C8orf34: variants seen among roughly 807,000 people sequenced by gnomAD.
C8orf34 encodes chromosome 8 open reading frame 34.
C8orf34 carries 65 observed loss-of-function variants against 68.3 expected under a neutral mutation model. The ratio of observed to expected loss-of-function variants is 0.95; its 90% CI spans 0.78 to 1.17. The LOEUF is 1.17. Among genes scored for constraint, C8orf34 ranks in the 50% most tolerant of loss-of-function variants. C8orf34 has a pLI of 0.00. For synonymous variants in C8orf34, 244 were observed against 241.2 expected (o/e 1.01, Z -0.11); for missense variants, 664 against 655.4 (o/e 1.01, Z -0.14).
chr8:68,743,335 G>A (rs1822359966), intron 10 of C8orf34, among the ~76,000 whole-genome samples: 1 of 152,134 alleles, frequency 6.6e-6, no homozygotes, highest in Admixed American at 6.5e-5. Context: ...GCATAATTTA[G>A]GTATTATAAG....
Position 68,589,762 on chromosome 8 carries a change from G to A in C8orf34, c.1106-50614G>A, listed in dbSNP as rs532047350. 2.8e-5 allele frequency among the ~76,000 whole-genome samples: 4 copies of A among 145,126 alleles called. No individual in the cohort carries two copies. The South Asian group carries it at 6.7e-4, about 24-fold the overall frequency. ...AGGGAGAGAAGAGGAAAGGAAGGAAGGAGAGAGAGAAATAAGGAAGGTGGA... is the reference window on the plus strand; with the variant it reads ...AGGGAGAGAAGAGGAAAGGAAGGAAAGAGAGAGAGAAATAAGGAAGGTGGA... On this transcript the variant is annotated intron_variant, in intron 7 of 13. Transcript: ENST00000518698.
intron 2 of C8orf34, 130 bp downstream of exon 2, chr8:68,439,776 T>C: frequency 1.3e-6 from 1 of 774,638 alleles, no homozygotes; most frequent in South Asian, 2.5e-5. Context: ...ATCTCTGACC[T>C]TACCTAGATG....
chr8:68,781,387 C>G (rs1309055824), intron 11 of C8orf34, among the ~76,000 whole-genome samples: 1 of 152,120 alleles, frequency 6.6e-6, no homozygotes, highest in African/African-American at 2.4e-5. Context: ...CACTCCTAGT[C>G]CCTGTACATT....
intron 7 of C8orf34, among the ~76,000 whole-genome samples, chr8:68,603,554 T>C (rs750817070): frequency 0.25 from 37,777 of 149,620 alleles, 6,654 homozygotes; most frequent in African/African-American, 0.5. Flanking sequence ...TCTATCTATC[T>C]ATCTATCTAT....
rs369199283 is a variant in C8orf34 at position 68,336,014 on chromosome 8, G to T, written c.327+4675G>T. 2.6e-5 allele frequency among the ~76,000 whole-genome samples: 4 copies of T among 152,122 alleles called. No homozygotes were observed. The East Asian group carries it at 7.7e-4, about 29-fold the overall frequency. ...AGGCAGGAGAATTGCTTGAACCCAG[G>T]AAGTGGAGGTTGCAGTGAGCCAAGA... On this transcript the variant is annotated intron_variant, in intron 1 of 13. Transcript: ENST00000518698.
Position 68,768,114 on chromosome 8 carries a change from A to G in C8orf34, c.1405-8285A>G, listed in dbSNP as rs553479465. On this transcript the variant is annotated intron_variant, in intron 10 of 13. Coordinates refer to ENST00000518698, the MANE Select transcript of C8orf34 (RefSeq NM_052958.4). ...CTTTTGTTAAACGTATTTGATACATAGCAACACATGACAATTATGATCATT... is the reference window on the plus strand; with the variant it reads ...CTTTTGTTAAACGTATTTGATACATGGCAACACATGACAATTATGATCATT... 2.0e-5 allele frequency among the ~76,000 whole-genome samples: 3 copies of G among 152,344 alleles called. No homozygotes were observed. In the East Asian group the frequency reaches 5.8e-4, roughly 29 times the overall value.
chr8:68,791,334 A>T (rs1347832495), intron 12 of C8orf34: 3 of 169,402 alleles, frequency 1.8e-5, no homozygotes, highest in Admixed American at 1.3e-4. Flanking sequence ...GAGAACAACA[A>T]GGGGGATATC....
At chr8:68,369,250 G>A (rs560217941) in intron 1 of C8orf34, among the ~76,000 whole-genome samples, 8 of 152,166 alleles carry the variant, frequency 5.3e-5, no homozygotes, top group East Asian at 1.9e-4. Flanking sequence ...TTCACTGCCC[G>A]TAAATCACTG....
chr8:68,589,857 ATGAG>A (rs567311113), intron 7 of C8orf34, among the ~76,000 whole-genome samples: 2 of 138,272 alleles, frequency 1.4e-5, no homozygotes, highest in Admixed American at 7.1e-5. Flanking sequence ...AAAGAGAGAA[ATGAG>A]TGAGGGAGGG....
intron 5 of C8orf34, among the ~76,000 whole-genome samples, chr8:68,496,306 C>T (rs879825690): frequency 4.7e-4 from 72 of 152,136 alleles, no homozygotes; most frequent in Non-Finnish European, 1.5e-5. Flanking sequence ...CTCACTTATA[C>T]TCATAACAAC....
rs117932122 is a variant in C8orf34, at chr8:68,699,861, T to C, written c.1242-9133T>C. ...ATAAATTTGATTAGAAAGTTACAGA[T>C]AGTTTGCAGGCCCATATCTCACTTT... is the stretch of plus-strand genomic sequence containing the variant. On this transcript the variant is annotated intron_variant, in intron 8 of 13. Coordinates refer to ENST00000518698, the MANE Select transcript of C8orf34 (RefSeq NM_052958.4). Among the ~76,000 whole-genome samples, 116 of 152,212 alleles carry C rather than the reference T, an allele frequency of 7.6e-4. No individual in the cohort carries two copies. The East Asian group carries it at 0.018, about 24-fold the overall frequency.
At chr8:68,806,553 C>T (rs1824492589) in intron 12 of C8orf34, among the ~76,000 whole-genome samples, 1 of 151,984 alleles carries the variant, frequency 6.6e-6, no homozygotes, top group Non-Finnish European at 1.5e-5. Flanking sequence ...TTTTAGTCAC[C>T]TGTTAGATTA....
intron 10 of C8orf34, among the ~76,000 whole-genome samples, chr8:68,730,142 G>T (rs1337580691): frequency 6.6e-6 from 1 of 152,046 alleles, no homozygotes; most frequent in African/African-American, 2.4e-5. Flanking sequence ...TTGGACTCTT[G>T]CAAAATGAAA....
intron 7 of C8orf34, among the ~76,000 whole-genome samples, chr8:68,570,900 A>G (rs1439018045): frequency 1.3e-5 from 2 of 152,236 alleles, no homozygotes; most frequent in Non-Finnish European, 2.9e-5. Context: ...CAAATGGTCT[A>G]AAGTACAAAT....
rs10095949 is a variant in C8orf34, at chr8:68,347,335, G to A, written c.327+15996G>A. Among the ~76,000 whole-genome samples the A allele has an allele frequency of 2.1e-3, 313 of 152,108 alleles. 3 individuals carry two copies. Among genetic ancestry groups the A allele is most frequent in the African/African-American group, 7.0e-3 (289 of 41,516 alleles). ...CTGCATAGCATTCCATGGTGTATAC[G>A]TACTACATTTTTTTAATCCAGTCAG... On this transcript the variant is annotated intron_variant, in intron 1 of 13. Transcript: ENST00000518698.
chr8:68,376,395 A>C (rs568783278), intron 1 of C8orf34, among the ~76,000 whole-genome samples: 8 of 152,254 alleles, frequency 5.3e-5, no homozygotes, highest in African/African-American at 1.9e-4. Flanking sequence ...AAGGAATAAC[A>C]TAAGAAGAAT....
intron 2 of C8orf34, among the ~76,000 whole-genome samples, chr8:68,445,031 T>A (rs150522447): frequency 8.3e-4 from 127 of 152,326 alleles, no homozygotes; most frequent in African/African-American, 2.9e-3. Context: ...ATTCTCTTTT[T>A]GAATGGCCTA....
At chr8:68,543,634 C>G (rs1342256268) in intron 7 of C8orf34, among the ~76,000 whole-genome samples, 2 of 152,158 alleles carry the variant, frequency 1.3e-5, no homozygotes, top group African/African-American at 4.8e-5. Flanking sequence ...AGTTGGTACT[C>G]AGGAGTCAGA....
intron 12 of C8orf34, among the ~76,000 whole-genome samples, chr8:68,811,221 G>A (rs1824641191): frequency 6.6e-6 from 1 of 152,198 alleles, no homozygotes; most frequent in Admixed American, 6.5e-5. Context: ...TGCCCCAAGT[G>A]CATGCACACC....
Sources: allele counts gnomAD v4.1 joint callset (sites outside exome capture counted in the v4.1 genomes callset), GRCh38; gene constraint gnomAD v4.1.1; transcripts MANE v1.5; gene names NCBI Gene and HGNC (gene_info 2026-07-23, HGNC 2026-07-21).